TENT5D: variants seen among roughly 807,000 people sequenced by gnomAD.
TENT5D encodes the protein cancer/testis antigen 112.
For synonymous variants in TENT5D, 103 were observed against 100.6 expected (o/e 1.02, Z -0.15); for missense variants, 191 against 287.0 (o/e 0.67, Z 2.42).
rs745968070 is a variant in TENT5D at position 80,374,349 on chromosome X, C to G, written c.-142+31785C>G. ...AGATTTATATTCCTTTGGATATATA[C>G]TCAGTAATGGGATTGCTGTTGCTGG... On this transcript the variant is annotated intron_variant, in intron 3 of 4. Coordinates refer to the TENT5D transcript ENST00000538312. Among the ~76,000 whole-genome samples the G allele has an allele frequency of 1.4e-3, 153 of 111,441 alleles. 1 individual carries two copies. Among genetic ancestry groups the G allele is most frequent in the Non-Finnish European group, 2.3e-3 (123 of 53,065 alleles).
intron 3 of TENT5D, among the ~76,000 whole-genome samples, chrX:80,388,883 A>C (rs1006305716): frequency 5.4e-5 from 6 of 111,071 alleles, no homozygotes; most frequent in African/African-American, 2.0e-4. Flanking sequence ...ACTTTACCCC[A>C]CAGTGGCAAG....
intron 2 of TENT5D, among the ~76,000 whole-genome samples, chrX:80,341,902 G>A (rs914895884): frequency 1.4e-4 from 15 of 106,293 alleles, no homozygotes; most frequent in Non-Finnish European, 2.9e-4. Flanking sequence ...TAGTAGAGAC[G>A]GGGTTTCACC....
chrX:80,343,701 A>G (rs1313802815), intron 3 of TENT5D, among the ~76,000 whole-genome samples: 2 of 111,371 alleles, frequency 1.8e-5, no homozygotes, highest in African/African-American at 3.3e-5. Context: ...CGCCTGGCCC[A>G]TTTTATTTCT....
In TENT5D at chrX:80,439,475, A is replaced by T. The variant is rs149732296; in HGVS notation, c.-19+743A>T. ...ATGTGCTGTTTTTGATATATGGGTG[A>T]TTAACTCTACTATATGCGGTTAAGT... On this transcript the variant is annotated intron_variant, in intron 2 of 2. Transcript: ENST00000308293. Among the ~76,000 whole-genome samples the T allele has an allele frequency of 6.4e-3, 716 of 111,267 alleles. 7 individuals carry two copies. Among genetic ancestry groups the T allele is most frequent in the African/African-American group, 0.022 (667 of 30,810 alleles).
At chrX:80,424,736 C>T (rs1931956935) in intron 1 of TENT5D, among the ~76,000 whole-genome samples, 1 of 112,367 alleles carries the variant, frequency 8.9e-6, no homozygotes, top group African/African-American at 3.2e-5. Flanking sequence ...AGACTTTAGT[C>T]TCATACTTGG....
intron 3 of TENT5D, among the ~76,000 whole-genome samples, chrX:80,358,186 A>G (rs181246195): frequency 3.6e-5 from 4 of 111,748 alleles, no homozygotes; most frequent in African/African-American, 6.5e-5. Context: ...AAAGACTTCA[A>G]TGTTAGACCT....
chrX:80,339,916 T>G (rs1230806471), intron 2 of TENT5D, among the ~76,000 whole-genome samples: 1 of 109,217 alleles, frequency 9.2e-6, no homozygotes, highest in Non-Finnish European at 1.9e-5. Context: ...AGATTGTTTC[T>G]CTAAAAATCT....
chrX:80,345,994 C>T (rs1411888141), intron 3 of TENT5D, among the ~76,000 whole-genome samples: 1 of 111,990 alleles, frequency 8.9e-6, no homozygotes, highest in Non-Finnish European at 1.9e-5. Context: ...ATTTTTCATT[C>T]CTATTCTTGT....
intron 3 of TENT5D, among the ~76,000 whole-genome samples, chrX:80,374,004 C>T (rs934488067): frequency 4.5e-5 from 5 of 110,839 alleles, no homozygotes; most frequent in African/African-American, 1.6e-4. Context: ...CCACCCTCGA[C>T]CCTCTGAAAG....
intron 3 of TENT5D, among the ~76,000 whole-genome samples, chrX:80,349,110 C>T (rs1930122868): frequency 9.0e-6 from 1 of 111,318 alleles, no homozygotes; most frequent in Non-Finnish European, 1.9e-5. Context: ...ACGATACTGT[C>T]TTGAAATTTT....
chrX:80,422,289 A>G (rs1931903858), intron 1 of TENT5D, among the ~76,000 whole-genome samples: 1 of 110,844 alleles, frequency 9.0e-6, no homozygotes, highest in African/African-American at 3.3e-5. Context: ...CCTGACCAAC[A>G]TGGTGAAACC....
chrX:80,380,517 T>A (rs1157870658), intron 3 of TENT5D, among the ~76,000 whole-genome samples: 1 of 111,054 alleles, frequency 9.0e-6, no homozygotes, highest in Non-Finnish European at 1.9e-5. Flanking sequence ...GTATCCTTGT[T>A]AACCTTCTGT....
chrX:80,383,251 C>A (rs1930914092), intron 3 of TENT5D, among the ~76,000 whole-genome samples: 1 of 111,987 alleles, frequency 8.9e-6, no homozygotes, highest in Non-Finnish European at 1.9e-5. Context: ...AGAGATATTT[C>A]TCATACCCTT....
At chrX:80,443,648 C>T (rs779886301) in exon 3 of TENT5D, 1 of 1,206,306 alleles carries the variant, frequency 8.3e-7, no homozygotes, top group South Asian at 1.8e-5. Flanking sequence ...CCTGAGCCAC[C>T]CCCCGTTAGC....
At chrX:80,351,186 G>T (rs1401301484) in intron 3 of TENT5D, among the ~76,000 whole-genome samples, 1 of 110,544 alleles carries the variant, frequency 9.0e-6, no homozygotes, top group Non-Finnish European at 1.9e-5. Context: ...TTGAATGTCG[G>T]CCTGTCTTGC....
intron 3 of TENT5D, among the ~76,000 whole-genome samples, chrX:80,363,943 T>C (rs1363650116): frequency 1.8e-5 from 2 of 112,675 alleles, no homozygotes; most frequent in Admixed American, 9.4e-5. Flanking sequence ...CCTTTGTGCA[T>C]GTGTGGTGAG....
intron 3 of TENT5D, among the ~76,000 whole-genome samples, chrX:80,410,879 T>C (rs1449626557): frequency 1.9e-5 from 2 of 105,825 alleles, no homozygotes; most frequent in South Asian, 4.4e-4. Flanking sequence ...ATTAAGAAAA[T>C]GTGGCACATA....
intron 3 of TENT5D, among the ~76,000 whole-genome samples, chrX:80,407,658 T>A (rs1189514866): frequency 9.3e-6 from 1 of 107,641 alleles, no homozygotes. Flanking sequence ...AATGGGAGAC[T>A]TTAACACCCC....
chrX:80,409,799 A>G (rs1458036569), intron 3 of TENT5D, among the ~76,000 whole-genome samples: 5 of 103,320 alleles, frequency 4.8e-5, no homozygotes, highest in African/African-American at 1.8e-4. Flanking sequence ...GTCAATCCTA[A>G]GCCAAAAGAA....
Sources: allele counts gnomAD v4.1 joint callset (sites outside exome capture counted in the v4.1 genomes callset), GRCh38; gene constraint gnomAD v4.1.1; transcripts MANE v1.5; gene names NCBI Gene and HGNC (gene_info 2026-07-23, HGNC 2026-07-21).